The following ASB2 variants were observed in gnomAD, a reference collection of about 807,000 sequenced individuals.
The protein encoded by ASB2 is ankyrin repeat and SOCS box containing 2.
Under a neutral mutation model 62.4 loss-of-function variants are expected in ASB2, and 58 were observed. The ratio of observed to expected loss-of-function variants is 0.93; its 90% confidence interval spans 0.75 to 1.16. ASB2 has a LOEUF of 1.16. Among genes scored for constraint, ASB2 ranks in the 50% most tolerant of loss-of-function variants. ASB2 has a pLI of 0.00. For synonymous variants in ASB2, 386 were observed against 385.3 expected (o/e 1.00, Z -0.02); for missense variants, 928 against 887.9 (o/e 1.05, Z -0.57).
At position 93,937,868 on chromosome 14, in the gene ASB2, C is replaced by A. The variant is rs776097016; in HGVS notation, c.1618-17G>T. 11 of 1,583,588 alleles carry A rather than the reference C, an allele frequency of 6.9e-6. No homozygotes were observed. The highest frequency in any genetic ancestry group is 3.4e-5 in the Admixed American group (2 of 59,082). ...CTCACAGAACTGAAAGAGAACATGC[C>A]GGGACCAAGAAGTGAGTTCATCCCA... On this transcript the variant is annotated splice_polypyrimidine_tract_variant and intron_variant, in intron 8 of 9. Coordinates refer to ENST00000555019, the MANE Select transcript of ASB2 (RefSeq NM_001202429.2).
At chr14:93,937,252 C>T (rs1235868602) in intron 9 of ASB2, among the ~76,000 whole-genome samples, 1 of 152,216 alleles carries the variant, frequency 6.6e-6, no homozygotes, top group Non-Finnish European at 1.5e-5. Context: ...CGCCCCAGAC[C>T]TGCGGAATCA....
At chr14:93,966,050 T>C (rs1048683226) in intron 1 of ASB2, among the ~76,000 whole-genome samples, 3 of 152,238 alleles carry the variant, frequency 2.0e-5, no homozygotes, top group African/African-American at 7.2e-5. Flanking sequence ...GAGGAACTTC[T>C]CCTGAGCTGT....
Position 93,972,525 on chromosome 14 carries a change from C to T in ASB2, c.-74+3909G>A, listed in dbSNP as rs145675832. Among the ~76,000 whole-genome samples, 511 of 152,222 alleles carry T rather than the reference C, an allele frequency of 3.4e-3. 1 individual carries two copies. The highest frequency in any genetic ancestry group is 4.4e-3 in the Non-Finnish European group (299 of 68,014). ...GGAGAAGAGTGGTCTTCCCATGGCG[C>T]GGATGAGGAGACTAAGGCCTGGAAT... On this transcript the variant is annotated intron_variant, in intron 1 of 9. Transcript: ENST00000555019.
At position 93,939,429 on chromosome 14, in the gene ASB2, T is replaced by C. The variant is rs1595300755; in HGVS notation, c.1296A>G (p.Gln432=). Residue 432 remains glutamine (Q), a synonymous_variant, in exon 8 of 10, where the codon CAA becomes CAG. Coordinates refer to ENST00000555019, the MANE Select transcript of ASB2 (RefSeq NM_001202429.2). The part of the protein sequence containing the change: ...NNVYATELLL[Q]HGADPNRDVI... ...CGTCGCGGTTGGGGTCGGCGCCGTGTTGCAGCAGCAGCTCGGTGGCGTACA... is the reference window on the plus strand; with the variant it reads ...CGTCGCGGTTGGGGTCGGCGCCGTGCTGCAGCAGCAGCTCGGTGGCGTACA... 6.2e-7 allele frequency: 1 copy of C among 1,612,768 alleles called. No individual in the cohort carries two copies. The highest frequency in any genetic ancestry group is 1.1e-5 in the South Asian group (1 of 91,070).
chr14:93,941,021 C>T (rs1888497848), intron 7 of ASB2, among the ~76,000 whole-genome samples: 1 of 152,324 alleles, frequency 6.6e-6, no homozygotes, highest in East Asian at 1.9e-4. Context: ...AATGTGTTAA[C>T]TTGCCTGCCC....
rs1264232566 is a variant in ASB2, at chr14:93,951,675, TCCC to T, written c.635-434_635-432del. Reference sequence around the variant, plus strand: ...CTGGTAGTCAGGCTGAAGGTCTCTGTCCCCTGGGATGTCCCAGGATGTCCCTAT... The same window carrying T: ...CTGGTAGTCAGGCTGAAGGTCTCTGTCTGGGATGTCCCAGGATGTCCCTAT... On this transcript the variant is annotated intron_variant, in intron 5 of 9. Coordinates refer to ENST00000555019, the MANE Select transcript of ASB2 (RefSeq NM_001202429.2). 1.8e-4 allele frequency among the ~76,000 whole-genome samples: 27 copies of T among 152,302 alleles called. 1 individual carries two copies. The East Asian group carries it at 4.8e-3, about 27-fold the overall frequency.
chr14:93,955,629 G>T (rs1284762828), intron 3 of ASB2: 1 of 169,618 alleles, frequency 5.9e-6, no homozygotes, highest in Non-Finnish European at 1.3e-5. Flanking sequence ...GGCGAGCAGG[G>T]CGTGGTGCAG....
intron 2 of ASB2, chr14:93,957,101 A>T: frequency 7.0e-7 from 1 of 1,421,198 alleles, no homozygotes; most frequent in Non-Finnish European, 9.2e-7. Flanking sequence ...TTAAATGACC[A>T]TATAAGACAA....
chr14:93,953,761 CT>C (rs989765396), intron 4 of ASB2, among the ~76,000 whole-genome samples: 26 of 151,638 alleles, frequency 1.7e-4, no homozygotes, highest in African/African-American at 6.1e-4. Context: ...TACTCCTGTC[CT>C]TTCCTCGAAC....
chr14:93,937,049 G>A lies in ASB2; in HGVS notation c.1771+649C>T, dbSNP rs143790952. ...TCACTGTGCCTGGCACAGTTCAGGC[G>A]GGTCCAGCTGAAAGGAGCTGGACAA... is the stretch of plus-strand genomic sequence containing the variant. On this transcript the variant is annotated intron_variant, in intron 9 of 9. Transcript: ENST00000555019. 4.4e-3 allele frequency among the ~76,000 whole-genome samples: 673 copies of A among 152,252 alleles called. 10 individuals carry two copies. Among genetic ancestry groups the A allele is most frequent in the East Asian group, 0.044 (227 of 5,164 alleles).
intron 1 of ASB2, among the ~76,000 whole-genome samples, chr14:93,976,134 T>G (rs117759544): frequency 6.6e-6 from 1 of 152,340 alleles, no homozygotes; most frequent in East Asian, 1.9e-4. Flanking sequence ...GACCCAACAA[T>G]AGCATCATTG....
At chr14:93,953,591 T>C in intron 4 of ASB2, 84 bp from the exon 5 acceptor site, 1 of 1,204,942 alleles carries the variant, frequency 8.3e-7, no homozygotes, top group Non-Finnish European at 1.1e-6. Flanking sequence ...GCCTCCCAAT[T>C]TCAAGAACAA....
intron 2 of ASB2, among the ~76,000 whole-genome samples, chr14:93,960,930 GC>G (rs1456065298): frequency 6.7e-6 from 1 of 149,424 alleles, no homozygotes; most frequent in Non-Finnish European, 1.5e-5. Flanking sequence ...AATGATCCAG[GC>G]TCTAAGCTGG....
intron 1 of ASB2, among the ~76,000 whole-genome samples, chr14:93,971,731 A>G (rs936971845): frequency 6.6e-6 from 1 of 152,154 alleles, no homozygotes; most frequent in African/African-American, 2.4e-5. Flanking sequence ...AGCGTATTAT[A>G]GTTCCTATTC....
intron 1 of ASB2, among the ~76,000 whole-genome samples, chr14:93,967,747 C>G (rs1471000350): frequency 1.3e-5 from 2 of 152,136 alleles, no homozygotes; most frequent in African/African-American, 4.8e-5. Flanking sequence ...CTGGGGATCC[C>G]CTATGGCCGT....
chr14:93,971,237 G>A (rs1483098165), intron 1 of ASB2, among the ~76,000 whole-genome samples: 2 of 152,234 alleles, frequency 1.3e-5, no homozygotes, highest in East Asian at 3.8e-4. Context: ...CCTGCCGGGT[G>A]GTCCCAAGGG....
At chr14:93,940,071 A>G (rs1237403660) in intron 7 of ASB2, 1 of 188,808 alleles carries the variant, frequency 5.3e-6, no homozygotes, top group African/African-American at 2.3e-5. Context: ...GCTGTTGCCC[A>G]TTGCCAGCTC....
intron 7 of ASB2, among the ~76,000 whole-genome samples, chr14:93,942,743 A>G (rs117605283): frequency 0.014 from 2,098 of 152,302 alleles, 32 homozygotes; most frequent in Middle Eastern, 0.048. Context: ...TCAGGGGTAC[A>G]TGGGTTACAC....
At chr14:93,958,249 T>C (rs151207586) in intron 2 of ASB2, among the ~76,000 whole-genome samples, 525 of 152,364 alleles carry the variant, frequency 3.4e-3, no homozygotes, top group African/African-American at 0.011. Flanking sequence ...CGCCTGCATG[T>C]GTCCTCATTT....
Sources: gnomAD v4.1 joint callset for allele counts (sites outside exome capture counted in the v4.1 genomes callset) on GRCh38, gnomAD v4.1.1 for gene constraint, MANE v1.5 for transcripts, NCBI Gene and HGNC (gene_info 2026-07-23, HGNC 2026-07-21) for gene names.